The following SP3 variants were observed in gnomAD, a reference collection of about 807,000 sequenced individuals.
The protein encoded by SP3 is Sp3 transcription factor.
In SP3, 10 loss-of-function variants were observed where a neutral mutation model predicts 70.3. The ratio of observed to expected loss-of-function variants is 0.14; its 90% CI spans 0.09 to 0.24. The LOEUF is 0.24. Among genes scored for constraint, SP3 ranks in the 10% least tolerant of loss-of-function variants. The pLI, the probability that SP3 is intolerant of heterozygous loss-of-function variation, is 1.00. For missense variants in SP3, 825 were observed against 914.6 expected (o/e 0.90, Z 1.26); for synonymous variants, 402 against 333.5 (o/e 1.21, Z -2.24).
chr2:173,940,262 C>G (rs1183304509), intron 4 of SP3, among the ~76,000 whole-genome samples: 1 of 152,092 alleles, frequency 6.6e-6, no homozygotes, highest in East Asian at 1.9e-4. Context: ...TTACTGCTGA[C>G]AAGGGAGATG....
chr2:173,963,251 A>G (rs1232712952), intron 3 of SP3: 3 of 152,256 alleles, frequency 2.0e-5, no homozygotes, highest in East Asian at 3.8e-4. Flanking sequence ...CTAAAAAAGC[A>G]GTCTTCACTC....
At position 173,955,894 on chromosome 2, in the gene SP3, G is replaced by T. The variant is rs199594561; in HGVS notation, c.618C>A (p.Ile206=). ...GTAAGGTTTGATTAGAGCCAGGAAT[G>T]ATCTGAATTTGACTGCTTTCTTGAT... ...GINQESSQIQ[I]IPGSNQTLLA... is the part of the protein sequence containing the mutation. Residue 206 remains isoleucine, a synonymous_variant, in exon 4 of 7, where the codon ATC becomes ATA. Transcript: ENST00000310015. 7.3e-5 allele frequency: 118 copies of T among 1,614,168 alleles called. No individual in the cohort carries two copies. The East Asian group carries it at 1.8e-3, about 25-fold the overall frequency.
At position 173,904,240 on chromosome 2, in the gene SP3, C is replaced by T. The variant is rs976221098; in HGVS notation, c.*5701G>A. On this transcript the variant is annotated 3_prime_UTR_variant, in exon 7 of 7. Coordinates refer to ENST00000310015, the MANE Select transcript of SP3 (RefSeq NM_003111.5). The stretch of plus-strand genomic sequence containing the variant: ...CCAGGGACCAGGACCAGTCTGTGGC[C>T]CAGGTGGTTCCTCACAGACCAGGGA... Among the ~76,000 whole-genome samples the T allele has an allele frequency of 1.3e-5, 2 of 151,992 alleles. No homozygotes were observed. The highest frequency in any genetic ancestry group is 2.9e-5 in the Non-Finnish European group (2 of 67,984).
intron 5 of SP3, 53 bp downstream of exon 5, chr2:173,918,540 T>C (rs1689668580): frequency 2.0e-6 from 3 of 1,506,480 alleles, no homozygotes; most frequent in Non-Finnish European, 2.7e-6. Flanking sequence ...ATTTCAAAAA[T>C]CAGAATGATA....
intron 5 of SP3, among the ~76,000 whole-genome samples, chr2:173,916,997 C>G (rs1052018346): frequency 2.0e-5 from 3 of 152,044 alleles, no homozygotes; most frequent in Non-Finnish European, 2.9e-5. Flanking sequence ...TAAGATGATT[C>G]TACTTTAAAA....
At position 173,965,315 on chromosome 2, in the gene SP3, G is replaced by T; in HGVS notation, c.-144C>A. 1 of 952,840 alleles carries T rather than the reference G, an allele frequency of 1.0e-6. No homozygotes were observed. The highest frequency in any genetic ancestry group is 1.5e-5 in the South Asian group (1 of 65,896). 59.0% of individuals were successfully genotyped at this position (952,840 alleles called of 1,614,324 possible). On this transcript the variant is annotated 5_prime_UTR_variant, in exon 1 of 7. Transcript: ENST00000310015. ...GGGATTTTTTTTTCCTATTTTGATT[G>T]ACTGTGCGGGAAACACAAAAGGTGG... is the stretch of plus-strand genomic sequence containing the variant.
At chr2:173,954,007 A>T (rs997662322) in intron 4 of SP3, among the ~76,000 whole-genome samples, 1 of 152,236 alleles carries the variant, frequency 6.6e-6, no homozygotes. Flanking sequence ...CAATCAGTTC[A>T]GTTAAAGTGT....
At chr2:173,930,141 A>G (rs1044549207) in intron 4 of SP3, among the ~76,000 whole-genome samples, 2 of 152,060 alleles carry the variant, frequency 1.3e-5, no homozygotes, top group Non-Finnish European at 2.9e-5. Context: ...GTTGGCCTTT[A>G]CTCTGAATTA....
At position 173,908,375 on chromosome 2, in the gene SP3, G is replaced by A. The variant is rs1419324658; in HGVS notation, c.*1566C>T. The A allele has an allele frequency of 6.6e-6, 1 of 152,260 alleles. No homozygotes were observed. The highest frequency in any genetic ancestry group is 1.5e-5 in the Non-Finnish European group (1 of 67,884). 9.4% of individuals were successfully genotyped at this position (152,260 alleles called of 1,614,324 possible). ...GGTAAAAAATTAGTAAATGACCAGT[G>A]TCTCTATATATCTCTTCTTCAAATA... is the stretch of plus-strand genomic sequence containing the variant. On this transcript the variant is annotated 3_prime_UTR_variant, in exon 7 of 7. Transcript: ENST00000310015.
intron 4 of SP3, among the ~76,000 whole-genome samples, chr2:173,942,250 C>A (rs1690393517): frequency 6.6e-6 from 1 of 152,132 alleles, no homozygotes; most frequent in Non-Finnish European, 1.5e-5. Flanking sequence ...TCTGTGAGAT[C>A]CTACAATGCA....
intron 4 of SP3, among the ~76,000 whole-genome samples, chr2:173,920,027 TAAC>T (rs879535188): frequency 2.0e-4 from 31 of 152,128 alleles, no homozygotes; most frequent in African/African-American, 5.3e-4. Flanking sequence ...CAATGAACAT[TAAC>T]AACAACTTAC....
chr2:173,928,764 T>C (rs1345685785), intron 4 of SP3, among the ~76,000 whole-genome samples: 1 of 152,198 alleles, frequency 6.6e-6, no homozygotes, highest in Non-Finnish European at 1.5e-5. Flanking sequence ...CACCATGTGG[T>C]TGGCTTTCAC....
intron 4 of SP3, among the ~76,000 whole-genome samples, chr2:173,940,833 G>T (rs1040615060): frequency 6.6e-6 from 1 of 151,978 alleles, no homozygotes; most frequent in Non-Finnish European, 1.5e-5. Flanking sequence ...TATCACAAAA[G>T]GAAATAAGGA....
rs903028733 is a variant in SP3 at position 173,901,486 on chromosome 2, T to C, written c.*8455A>G. 6.6e-6 allele frequency among the ~76,000 whole-genome samples: 1 copy of C among 152,052 alleles called. No homozygotes were observed. The highest frequency in any genetic ancestry group is 1.5e-5 in the Non-Finnish European group (1 of 67,992). The stretch of plus-strand genomic sequence containing the variant: ...ATTGCAAATAACCCCAAAAAGCAAG[T>C]GGGCAAAGGATTCAAACAGGCAACT... On this transcript the variant is annotated 3_prime_UTR_variant, in exon 7 of 7. Coordinates refer to ENST00000310015, the MANE Select transcript of SP3 (RefSeq NM_003111.5).
At chr2:173,940,072 T>C (rs1307954045) in intron 4 of SP3, among the ~76,000 whole-genome samples, 8 of 152,146 alleles carry the variant, frequency 5.3e-5, no homozygotes, top group Non-Finnish European at 1.0e-4. Context: ...AGGCAAGGTC[T>C]TGCTTGGTTG....
At chr2:173,954,348 T>C (rs1410869087) in intron 4 of SP3, among the ~76,000 whole-genome samples, 6 of 152,176 alleles carry the variant, frequency 3.9e-5, no homozygotes, top group Non-Finnish European at 8.8e-5. Flanking sequence ...GAAGGTCACC[T>C]AGACAGTTAC....
intron 4 of SP3, 115 bp from the exon 5 acceptor site, chr2:173,918,900 G>T: frequency 1.2e-6 from 1 of 827,482 alleles, no homozygotes; most frequent in Non-Finnish European, 1.8e-6. Context: ...TACTTCTCTT[G>T]CCTAGACTGT....
rs377134953 is a variant in SP3, at chr2:173,921,489, G to C, written c.1640-2704C>G. 1.3e-4 allele frequency among the ~76,000 whole-genome samples: 20 copies of C among 152,110 alleles called. No homozygotes were observed. The East Asian group carries it at 3.9e-3, about 29-fold the overall frequency. On this transcript the variant is annotated intron_variant, in intron 4 of 6. Coordinates refer to ENST00000310015, the MANE Select transcript of SP3 (RefSeq NM_003111.5). ...GAAACGATTGAACCTAGGAGTTCAA[G>C]ACCAGCCTGAGCCAAGAGAGAGCGG... is the stretch of plus-strand genomic sequence containing the variant.
rs1690842845 is a variant in SP3, at chr2:173,955,284, C to T, written c.1228G>A (p.Ala410Thr). Reference protein sequence around the residue: ...LQESQQPTSQAQIVQGITPQT... With the variant: ...LQESQQPTSQTQIVQGITPQT... ...GGTGTAATACCTTGCACAATTTGGGCTTGACTGGTTGGCTGCTGAGACTCT... is the reference window on the plus strand; with the variant it reads ...GGTGTAATACCTTGCACAATTTGGGTTTGACTGGTTGGCTGCTGAGACTCT... The change falls in exon 4 of 7, where the codon GCC becomes ACC. Residue 410 changes from alanine (A) to threonine (T), a missense_variant. Physicochemically the swap from Ala to Thr is moderately conservative, Grantham distance 58. Coordinates refer to ENST00000310015, the MANE Select transcript of SP3 (RefSeq NM_003111.5). 6.2e-7 allele frequency: 1 copy of T among 1,613,932 alleles called. No homozygotes were observed. The highest frequency in any genetic ancestry group is 1.7e-5 in the Admixed American group (1 of 59,966).
Sources: allele counts gnomAD v4.1 joint callset (sites outside exome capture counted in the v4.1 genomes callset), GRCh38; gene constraint gnomAD v4.1.1; transcripts MANE v1.5; gene names NCBI Gene and HGNC (gene_info 2026-07-23, HGNC 2026-07-21).